SLC39A11: variants seen among roughly 807,000 people sequenced by gnomAD.
SLC39A11 encodes the protein zinc transporter ZIP11.
A neutral mutation model predicts 36.1 loss-of-function variants in SLC39A11; 33 were observed. That is an observed-to-expected ratio of 0.91 (90% CI 0.69 to 1.22). The LOEUF (loss-of-function observed/expected upper bound fraction) is 1.22, where lower values mean the gene tolerates loss of function less well. Among genes scored for constraint, SLC39A11 ranks in the 50% most tolerant of loss-of-function variants. SLC39A11 has a pLI of 0.00. For synonymous variants in SLC39A11, 166 were observed against 170.3 expected (o/e 0.97, Z 0.20); for missense variants, 432 against 430.3 (o/e 1.00, Z -0.03).
intron 6 of SLC39A11, among the ~76,000 whole-genome samples, chr17:72,800,642 T>G (rs754036447): frequency 6.6e-6 from 1 of 152,114 alleles, no homozygotes; most frequent in Non-Finnish European, 1.5e-5. Context: ...GCCAAGAGAC[T>G]TGGCGGCTGG....
chr17:72,652,083 C>G (rs1271060237), intron 7 of SLC39A11, among the ~76,000 whole-genome samples: 2 of 152,236 alleles, frequency 1.3e-5, no homozygotes, highest in Non-Finnish European at 2.9e-5. Context: ...TGCAACCACT[C>G]AACTCTGACA....
chr17:72,675,320 G>T (rs2071207499), intron 7 of SLC39A11, among the ~76,000 whole-genome samples: 1 of 152,158 alleles, frequency 6.6e-6, no homozygotes, highest in Admixed American at 6.5e-5. Context: ...TACACAGCAG[G>T]GAAACACCAT....
chr17:73,004,114 G>A (rs1430606341), intron 4 of SLC39A11, among the ~76,000 whole-genome samples: 2 of 146,176 alleles, frequency 1.4e-5, no homozygotes, highest in Admixed American at 1.4e-4. Flanking sequence ...AAGAGAGAGA[G>A]AGAGAAAGAA....
intron 7 of SLC39A11, among the ~76,000 whole-genome samples, chr17:72,721,968 C>CAAA (rs11399362): frequency 0.032 from 3,307 of 104,814 alleles, 114 homozygotes; most frequent in Non-Finnish European, 0.046. Context: ...GCCTCCATCT[C>CAAA]AAAAAAAAAA....
chr17:72,900,148 GAAAGAAAAGAAAGAAAGAAAGAAA>G lies in SLC39A11; in HGVS notation c.430+47580_430+47603del, dbSNP rs1567912183. ...AAAGAAAGAAAGAAAGAAAAAGAAA[GAAAGAAAAGAAAGAAAGAAAGAAA>G]GAAAGAAAGAAAGAAAGAAAGAAAG... On this transcript the variant is annotated intron_variant, in intron 5 of 9. Coordinates refer to ENST00000255559, the MANE Select transcript of SLC39A11 (RefSeq NM_139177.4). Among the ~76,000 whole-genome samples the G allele has an allele frequency of 1.2e-3, 119 of 96,634 alleles. 15 individuals carry two copies. Among genetic ancestry groups the G allele is most frequent in the African/African-American group, 5.1e-3 (116 of 22,878 alleles). 63.4% of individuals were successfully genotyped at this position (96,634 alleles called of 152,430 possible). A position where few individuals can be genotyped will look rare whatever the true frequency, so the allele number is the denominator to read the frequency against.
chr17:72,872,404 G>T (rs1037659334), intron 5 of SLC39A11, among the ~76,000 whole-genome samples: 1 of 152,102 alleles, frequency 6.6e-6, no homozygotes, highest in East Asian at 1.9e-4. Context: ...TTCGACAGAC[G>T]GGTACAACCC....
intron 6 of SLC39A11, among the ~76,000 whole-genome samples, chr17:72,756,630 T>C (rs2075370529): frequency 6.6e-6 from 1 of 152,150 alleles, no homozygotes; most frequent in Admixed American, 6.6e-5. Context: ...CTGGGGGAAG[T>C]GGGCATGTGG....
intron 5 of SLC39A11, among the ~76,000 whole-genome samples, chr17:72,850,206 C>G (rs959631088): frequency 1.1e-4 from 17 of 152,104 alleles, no homozygotes; most frequent in Non-Finnish European, 2.2e-4. Context: ...CCCAACACTT[C>G]GGGAGGCTGA....
chr17:72,817,964 A>G (rs1035481252), intron 6 of SLC39A11: 2 of 152,264 alleles, frequency 1.3e-5, no homozygotes, highest in Non-Finnish European at 2.9e-5. Flanking sequence ...GGAGAGAGAC[A>G]TGCCAAGCAA....
intron 7 of SLC39A11, among the ~76,000 whole-genome samples, chr17:72,666,661 C>T (rs1270756949): frequency 2.0e-5 from 3 of 152,198 alleles, no homozygotes; most frequent in Non-Finnish European, 4.4e-5. Context: ...ACACCAACAC[C>T]ACCTGCTCCT....
chr17:72,930,886 G>A (rs769858689), intron 5 of SLC39A11, among the ~76,000 whole-genome samples: 10 of 152,188 alleles, frequency 6.6e-5, no homozygotes, highest in Non-Finnish European at 1.2e-4. Flanking sequence ...CAAAGAGAGG[G>A]AAGGACCCCA....
chr17:73,063,895 G>A (rs1023766303), intron 3 of SLC39A11, among the ~76,000 whole-genome samples: 4 of 152,102 alleles, frequency 2.6e-5, no homozygotes, highest in East Asian at 1.9e-4. Context: ...GGCAATGACC[G>A]TGTGTCCCTT....
chr17:72,863,943 A>G (rs1483635274), intron 5 of SLC39A11, among the ~76,000 whole-genome samples: 1 of 152,194 alleles, frequency 6.6e-6, no homozygotes, highest in East Asian at 1.9e-4. Flanking sequence ...CAAAACAGAA[A>G]AACAGGGGAA....
At position 72,934,495 on chromosome 17, in the gene SLC39A11, G is replaced by A. The variant is rs574599392; in HGVS notation, c.430+13257C>T. On this transcript the variant is annotated intron_variant, in intron 5 of 9. Coordinates refer to ENST00000255559, the MANE Select transcript of SLC39A11 (RefSeq NM_139177.4). The stretch of plus-strand genomic sequence containing the variant: ...AGCCTGACCAATATGGTGAAACCCC[G>A]TCTCTACTAGAAATACAAAAATTAG... 8.4e-4 allele frequency among the ~76,000 whole-genome samples: 128 copies of A among 152,212 alleles called. 1 individual carries two copies. The Middle Eastern group carries it at 0.014, about 16-fold the overall frequency.
At chr17:72,949,144 C>CTTTTTTTTTTTATTTTT (rs2085664078) in intron 4 of SLC39A11, among the ~76,000 whole-genome samples, 1 of 36,474 alleles carries the variant, frequency 2.7e-5, no homozygotes, top group Non-Finnish European at 5.4e-5. Context: ...CACTGGGCAG[C>CTTTTTTTTTTTATTTTT]TTTTTTTTTT....
chr17:72,792,718 G>A (rs2714018), intron 6 of SLC39A11, among the ~76,000 whole-genome samples: 88,527 of 151,988 alleles, frequency 0.58, 27,062 homozygotes, highest in Non-Finnish European at 0.69. Context: ...AGGCCAGGTC[G>A]CGGAGGCTGT....
At chr17:73,025,355 C>T (rs181949005) in intron 4 of SLC39A11, among the ~76,000 whole-genome samples, 390 of 152,282 alleles carry the variant, frequency 2.6e-3, no homozygotes, top group Non-Finnish European at 4.4e-3. Context: ...AAAAAGTCTG[C>T]CAAGATGCAA....
chr17:72,991,396 C>T (rs1243312634), intron 4 of SLC39A11, among the ~76,000 whole-genome samples: 3 of 150,680 alleles, frequency 2.0e-5, no homozygotes. Context: ...CTTGCTCTGT[C>T]ACCCAGACTG....
chr17:72,950,925 G>A (rs902223283), intron 4 of SLC39A11, among the ~76,000 whole-genome samples: 22 of 152,062 alleles, frequency 1.4e-4, no homozygotes, highest in African/African-American at 5.3e-4. Flanking sequence ...GACCACGGAT[G>A]CTATGAAATA....
Sources: gnomAD v4.1 joint callset for allele counts (sites outside exome capture counted in the v4.1 genomes callset) on GRCh38, gnomAD v4.1.1 for gene constraint, MANE v1.5 for transcripts, NCBI Gene and HGNC (gene_info 2026-07-23, HGNC 2026-07-21) for gene names.